Variants in PDE4D observed in about 807,000 individuals in gnomAD.
PDE4D encodes the protein phosphodiesterase 4D, also known as 3',5'-cyclic-AMP phosphodiesterase 4D.
In PDE4D, 24 loss-of-function variants were observed where a neutral mutation model predicts 87.4. The observed-to-expected ratio is 0.27, with a 90% CI of 0.20 to 0.39. The LOEUF (loss-of-function observed/expected upper bound fraction) is 0.39. Among genes scored for constraint, PDE4D ranks in the 10% least tolerant of loss-of-function variants. PDE4D has a pLI of 1.00. For synonymous variants in PDE4D, 384 were observed against 383.2 expected, an observed-to-expected ratio of 1.00 and a Z score of -0.02; for missense variants, 714 against 1,041.0, an observed-to-expected ratio of 0.69 and a Z score of 4.32.
intron 1 of PDE4D, among the ~76,000 whole-genome samples, chr5:60,312,902 A>G (rs950046289): frequency 6.6e-6 from 1 of 152,154 alleles, no homozygotes; most frequent in African/African-American, 2.4e-5. Context: ...AAGATACCAG[A>G]ATCTCTATCT....
At chr5:59,075,152 T>C (rs886940160) in intron 5 of PDE4D, among the ~76,000 whole-genome samples, 4 of 149,050 alleles carry the variant, frequency 2.7e-5, no homozygotes, top group Admixed American at 2.0e-4. Flanking sequence ...ACCATGGGCA[T>C]GGGATGGTAG....
intron 1 of PDE4D, among the ~76,000 whole-genome samples, chr5:60,503,323 CACT>C (rs1750182687): frequency 6.6e-6 from 1 of 152,052 alleles, no homozygotes; most frequent in South Asian, 2.1e-4. Flanking sequence ...ATATTCTACT[CACT>C]ACAAGAACAC....
chr5:59,524,917 A>G (rs1013041934), intron 1 of PDE4D, among the ~76,000 whole-genome samples: 4 of 152,048 alleles, frequency 2.6e-5, no homozygotes, highest in African/African-American at 9.7e-5. Context: ...AGGTTTGGGA[A>G]CCTCCACCTA....
chr5:59,036,467 A>G (rs1758516725), intron 6 of PDE4D, among the ~76,000 whole-genome samples: 1 of 152,220 alleles, frequency 6.6e-6, no homozygotes, highest in Non-Finnish European at 1.5e-5. Context: ...AACTGAGTGG[A>G]GATGATGCAA....
rs140316064 is a variant in PDE4D, at chr5:59,809,430, C to A, written c.455+83738G>T. On this transcript the variant is annotated intron_variant, in intron 1 of 14. Coordinates refer to ENST00000340635, the MANE Select transcript of PDE4D (RefSeq NM_001104631.2). ...AATTTTTAAAGTGTCGAAGGAACTACAAAATACAAATTTCCCAATAAAGAA... is the reference window on the plus strand; with the variant it reads ...AATTTTTAAAGTGTCGAAGGAACTAAAAAATACAAATTTCCCAATAAAGAA... Among the ~76,000 whole-genome samples the A allele has an allele frequency of 3.9e-5, 6 of 152,144 alleles. No homozygotes were observed. In the South Asian group the frequency reaches 1.2e-3, roughly 32 times the overall value.
chr5:59,644,452 A>G (rs1490878200), intron 1 of PDE4D, among the ~76,000 whole-genome samples: 2 of 152,162 alleles, frequency 1.3e-5, no homozygotes, highest in Non-Finnish European at 2.9e-5. Context: ...ACAGGAGCAA[A>G]TCTGGTATTA....
chr5:59,669,749 A>G (rs985225607), intron 1 of PDE4D, among the ~76,000 whole-genome samples: 4 of 151,720 alleles, frequency 2.6e-5, no homozygotes, highest in African/African-American at 9.7e-5. Context: ...TTCTATTTCT[A>G]TTTTTTACTT....
intron 1 of PDE4D, among the ~76,000 whole-genome samples, chr5:59,638,759 G>C (rs1355794222): frequency 3.9e-5 from 6 of 152,058 alleles, no homozygotes; most frequent in Non-Finnish European, 5.9e-5. Flanking sequence ...AGTGGATTAA[G>C]GACAGTGTAT....
At chr5:59,441,554 G>T (rs1172020105) in intron 1 of PDE4D, among the ~76,000 whole-genome samples, 1 of 152,138 alleles carries the variant, frequency 6.6e-6, no homozygotes, top group South Asian at 2.1e-4. Context: ...TGGACTGATT[G>T]CTCCTTGTTG....
intron 2 of PDE4D, among the ~76,000 whole-genome samples, chr5:60,101,200 T>A (rs948597446): frequency 6.6e-6 from 1 of 152,018 alleles, no homozygotes; most frequent in African/African-American, 2.4e-5. Context: ...GTATAAGCAC[T>A]GAACAAATAA....
intron 1 of PDE4D, among the ~76,000 whole-genome samples, chr5:59,791,598 C>A (rs181574608): frequency 6.6e-6 from 1 of 152,314 alleles, no homozygotes; most frequent in East Asian, 1.9e-4. Flanking sequence ...CTGTAGTATT[C>A]ATTTTATTTA....
chr5:60,407,957 A>G (rs1741705195), intron 1 of PDE4D, among the ~76,000 whole-genome samples: 1 of 152,138 alleles, frequency 6.6e-6, no homozygotes, highest in South Asian at 2.1e-4. Context: ...AAGGTTGGAC[A>G]TGAAAAGCAG....
At chr5:59,269,305 G>A (rs1462667410) in intron 1 of PDE4D, among the ~76,000 whole-genome samples, 2 of 152,066 alleles carry the variant, frequency 1.3e-5, no homozygotes, top group African/African-American at 4.8e-5. Context: ...GCATCATACA[G>A]TGTTTAGTGC....
At chr5:59,831,235 A>G (rs548542376) in intron 1 of PDE4D, among the ~76,000 whole-genome samples, 1 of 150,440 alleles carries the variant, frequency 6.6e-6, no homozygotes, top group Non-Finnish European at 1.5e-5. Context: ...AGGAAAGCTC[A>G]CAGGGCCATT....
intron 1 of PDE4D, among the ~76,000 whole-genome samples, chr5:60,406,135 AC>A (rs1383299480): frequency 6.6e-6 from 1 of 152,154 alleles, no homozygotes; most frequent in African/African-American, 2.4e-5. Context: ...CAACAATAAG[AC>A]AAAATTTCAT....
intron 1 of PDE4D, among the ~76,000 whole-genome samples, chr5:60,265,641 G>A (rs928853686): frequency 6.6e-6 from 1 of 152,112 alleles, no homozygotes; most frequent in Non-Finnish European, 1.5e-5. Flanking sequence ...CAATCAGGAG[G>A]CCTTAGCTGG....
At position 58,973,863 on chromosome 5, in the gene PDE4D, AAAAC is replaced by A. The variant is rs200995197; in HGVS notation, c.*797_*800del. The A allele has an allele frequency of 5.2e-5, 8 of 152,642 alleles. No homozygotes were observed. The highest frequency in any genetic ancestry group is 6.5e-5 in the Admixed American group (1 of 15,280). 9.5% of individuals were successfully genotyped at this position (152,642 alleles called of 1,614,324 possible). On this transcript the variant is annotated 3_prime_UTR_variant, in exon 15 of 15. Transcript: ENST00000340635. ...TAAAATATGGAAGTCATTGGTATAT[AAAAC>A]AAACAATGAATCACTACAAATCAGT...
intron 5 of PDE4D, among the ~76,000 whole-genome samples, chr5:59,126,823 T>C (rs1775472604): frequency 6.6e-6 from 1 of 152,204 alleles, no homozygotes; most frequent in Non-Finnish European, 1.5e-5. Context: ...AGCTGCCCAT[T>C]AATGCCGTAA....
intron 1 of PDE4D, among the ~76,000 whole-genome samples, chr5:59,635,288 C>T (rs1832091377): frequency 6.6e-6 from 1 of 152,164 alleles, no homozygotes; most frequent in Non-Finnish European, 1.5e-5. Flanking sequence ...GATGAATTCA[C>T]AGCCAAATTC....
Sources: allele counts gnomAD v4.1 joint callset (sites outside exome capture counted in the v4.1 genomes callset), GRCh38; gene constraint gnomAD v4.1.1; transcripts MANE v1.5; gene names NCBI Gene and HGNC (gene_info 2026-07-23, HGNC 2026-07-21).